VCL: variants seen among roughly 807,000 people sequenced by gnomAD.
The protein encoded by VCL is epididymis luminal protein 114.
A neutral mutation model predicts 125.7 loss-of-function variants in VCL; 47 were observed. The ratio of observed to expected loss-of-function variants is 0.37; its 90% confidence interval spans 0.30 to 0.48. The LOEUF is 0.48. VCL is among the 20% of genes least tolerant of loss of function. VCL has a pLI of 0.99. For missense variants in VCL, 1,069 were observed against 1,455.5 expected (o/e 0.73, Z 4.32); for synonymous variants, 458 against 514.6 (o/e 0.89, Z 1.49).
chr10:74,014,897 C>T (rs1300680368), intron 1 of VCL, among the ~76,000 whole-genome samples: 1 of 152,120 alleles, frequency 6.6e-6, no homozygotes, highest in South Asian at 2.1e-4. Context: ...CCATGTTGCC[C>T]AAGCTGGTCT....
At chr10:74,052,946 A>AAATAT (rs1491502098) in intron 2 of VCL, among the ~76,000 whole-genome samples, 3 of 99,812 alleles carry the variant, frequency 3.0e-5, no homozygotes, top group African/African-American at 9.0e-5. Context: ...GAAAAAAAAA[A>AAATAT]ATATATATAT....
At chr10:74,084,639 A>T (rs4746170) in intron 8 of VCL, among the ~76,000 whole-genome samples, 90,404 of 150,572 alleles carry the variant, frequency 0.6, 27,874 homozygotes, top group East Asian at 0.98. Context: ...GAGATGGGAG[A>T]TTCGCTCTTG....
chr10:74,037,727 C>T (rs1841008665), intron 1 of VCL, among the ~76,000 whole-genome samples: 1 of 152,190 alleles, frequency 6.6e-6, no homozygotes, highest in South Asian at 2.1e-4. Context: ...TTCTTCTCTA[C>T]TGGGCAGCTT....
At chr10:74,051,699 T>C (rs1841302458) in intron 2 of VCL, among the ~76,000 whole-genome samples, 2 of 152,162 alleles carry the variant, frequency 1.3e-5, no homozygotes, top group South Asian at 4.1e-4. Flanking sequence ...TAATAGTTAT[T>C]GTGAGGTTTA....
intron 1 of VCL, among the ~76,000 whole-genome samples, chr10:74,007,910 C>T (rs928716605): frequency 6.6e-6 from 1 of 151,998 alleles, no homozygotes; most frequent in African/African-American, 2.4e-5. Context: ...TCAAGTGATT[C>T]TCCTGCCTCA....
intron 17 of VCL, 118 bp from the exon 18 acceptor site, chr10:74,108,853 G>A (rs1008841108): frequency 1.0e-5 from 11 of 1,069,968 alleles, no homozygotes; most frequent in Admixed American, 8.6e-5. Flanking sequence ...CAGTGTGGGT[G>A]GTCTTATGTG....
intron 1 of VCL, among the ~76,000 whole-genome samples, chr10:74,040,867 A>AT (rs1197354388): frequency 1.3e-5 from 2 of 152,218 alleles, no homozygotes; most frequent in East Asian, 3.9e-4. Flanking sequence ...GCATTTAGAG[A>AT]TTTTTTGAGA....
intron 1 of VCL, among the ~76,000 whole-genome samples, chr10:74,037,055 C>T (rs1048042701): frequency 4.6e-5 from 7 of 151,960 alleles, no homozygotes; most frequent in African/African-American, 1.4e-4. Flanking sequence ...GGACTACAGG[C>T]GCCCGCCACC....
chr10:74,006,287 G>A (rs1329966896), intron 1 of VCL, among the ~76,000 whole-genome samples: 1 of 152,148 alleles, frequency 6.6e-6, no homozygotes, highest in Non-Finnish European at 1.5e-5. Flanking sequence ...AAATTTTAAT[G>A]GAACCACAAC....
At position 74,087,332 on chromosome 10, in the gene VCL, G is replaced by C. The variant is rs572889977; in HGVS notation, c.1023-1864G>C. ...ATTTATTTATTTATTTTTTTTTTTAGGTTTTTCTTTTTTTTTTTTTTTTCT... is the reference window on the plus strand; with the variant it reads ...ATTTATTTATTTATTTTTTTTTTTACGTTTTTCTTTTTTTTTTTTTTTTCT... On this transcript the variant is annotated intron_variant, in intron 8 of 21. Transcript: ENST00000211998. 1.1e-3 allele frequency among the ~76,000 whole-genome samples: 156 copies of C among 145,516 alleles called. 2 individuals are homozygous for C. Among genetic ancestry groups the C allele is most frequent in the African/African-American group, 3.7e-3 (147 of 39,934 alleles).
chr10:74,028,249 A>AT (rs1345542804), intron 1 of VCL, among the ~76,000 whole-genome samples: 3 of 151,068 alleles, frequency 2.0e-5, no homozygotes, highest in South Asian at 2.1e-4. Flanking sequence ...TTAATTTTTT[A>AT]TTTTTTTTAT....
intron 12 of VCL, 143 bp downstream of exon 12, chr10:74,095,998 T>C (rs550696082): frequency 3.9e-4 from 422 of 1,073,576 alleles, no homozygotes; most frequent in African/African-American, 2.5e-3. Context: ...TATAAGGAAA[T>C]CTAGAGCTTA....
rs530218505 is a variant in VCL, at chr10:74,082,308, G to A, written c.784-146G>A. On this transcript the variant is annotated intron_variant, in intron 6 of 21. Coordinates refer to ENST00000211998, the MANE Select transcript of VCL (RefSeq NM_014000.3). ...GCATTTTGACAGAAATGAGAATTGT[G>A]GTGTGGTGACAATATTTTTAAGGCC... The A allele has an allele frequency of 3.8e-5, 29 of 754,756 alleles. No individual in the cohort carries two copies. The East Asian group carries it at 7.5e-4, about 20-fold the overall frequency. The allele number at this position is 754,756 out of a possible 1,614,324, so 46.8% of individuals were successfully genotyped here.
chr10:74,046,052 C>T (rs1841192284), intron 2 of VCL, among the ~76,000 whole-genome samples: 1 of 152,068 alleles, frequency 6.6e-6, no homozygotes, highest in African/African-American at 2.4e-5. Context: ...CTTTATGCAA[C>T]TGTGTTTCTG....
At position 73,998,385 on chromosome 10, in the gene VCL, C is replaced by CT; in HGVS notation, c.168+10_168+11insT. Reference sequence around the variant, plus strand: ...CAGCAACCTCGTCCGGGTGAGCGCGCAGGGCCTGGCGCGGGAGCGGGCGCG... The same window carrying CT: ...CAGCAACCTCGTCCGGGTGAGCGCGCTAGGGCCTGGCGCGGGAGCGGGCGCG... On this transcript the variant is annotated intron_variant, in intron 1 of 21. Transcript: ENST00000211998. 1.3e-6 allele frequency: 2 copies of CT among 1,506,868 alleles called. No individual in the cohort carries two copies. Among genetic ancestry groups the CT allele is most frequent in the Non-Finnish European group, 1.8e-6 (2 of 1,125,134 alleles). The allele number at this position is 1,506,868 out of a possible 1,614,324, so 93.3% of individuals were successfully genotyped here. A position where few individuals can be genotyped will look rare whatever the true frequency, so the allele number is the denominator to read the frequency against.
rs577451718 is a variant in VCL, at chr10:74,112,337, G to C, written c.2949+225G>C. ...ATGTTTAGGGGATGAAGAGAGATGG[G>C]GGGGGTCACTTTTGGAAAGGATTCC... On this transcript the variant is annotated intron_variant, in intron 19 of 21. Transcript: ENST00000211998. Among the ~76,000 whole-genome samples, 27 of 152,278 alleles carry C rather than the reference G, an allele frequency of 1.8e-4. No individual in the cohort carries two copies. In the South Asian group the frequency reaches 5.2e-3, roughly 29 times the overall value.
rs1839840254 is a variant in VCL, at chr10:74,089,352, A to G, written c.1176+3A>G. On this transcript the variant is annotated splice_donor_region_variant and intron_variant, in intron 9 of 21. Coordinates refer to ENST00000211998, the MANE Select transcript of VCL (RefSeq NM_014000.3). Reference sequence around the variant, plus strand: ...CAAAGAAGATCGATGCTGCTCAGGTAGTCACAGTGATTTTCAGGAGGGGTG... The same window carrying G: ...CAAAGAAGATCGATGCTGCTCAGGTGGTCACAGTGATTTTCAGGAGGGGTG... The G allele has an allele frequency of 1.9e-6, 3 of 1,613,624 alleles. No individual in the cohort carries two copies. Among genetic ancestry groups the G allele is most frequent in the Non-Finnish European group, 1.7e-6 (2 of 1,179,834 alleles).
chr10:74,019,538 A>G (rs1349693338), intron 1 of VCL, among the ~76,000 whole-genome samples: 1 of 152,110 alleles, frequency 6.6e-6, no homozygotes, highest in African/African-American at 2.4e-5. Flanking sequence ...CTGGTGAGAC[A>G]CTGGGGTTGG....
chr10:74,043,113 G>C lies in VCL; in HGVS notation c.199G>C (p.Asp67His), dbSNP rs1351010251. The change falls in exon 2 of 22, where the codon GAT (aspartate) becomes CAT (histidine). Residue 67 changes from aspartate to histidine, a missense_variant. Coordinates refer to ENST00000211998, the MANE Select transcript of VCL (RefSeq NM_014000.3). ...VGKETVQTTE[D>H]QILKRDMPPA... is the part of the protein sequence containing the mutation. ...AAAAGAGACTGTTCAAACCACTGAG[G>C]ATCAGATTTTGAAGAGAGATATGCC... The C allele has an allele frequency of 1.2e-6, 2 of 1,613,372 alleles. No individual in the cohort carries two copies. The highest frequency in any genetic ancestry group is 1.7e-6 in the Non-Finnish European group (2 of 1,179,688).
Sources: gnomAD v4.1 joint callset for allele counts (sites outside exome capture counted in the v4.1 genomes callset) on GRCh38, gnomAD v4.1.1 for gene constraint, MANE v1.5 for transcripts, NCBI Gene and HGNC (gene_info 2026-07-23, HGNC 2026-07-21) for gene names.